SPATA16: variants seen among roughly 807,000 people sequenced by gnomAD.
The protein encoded by SPATA16 is spermatogenesis associated 16.
SPATA16 carries 36 observed loss-of-function variants against 63.3 expected under a neutral mutation model. That is an observed-to-expected ratio of 0.57 (90% CI 0.44 to 0.75). The LOEUF (loss-of-function observed/expected upper bound fraction) is 0.75. Ranked by LOEUF, SPATA16 falls within the 30% of genes least tolerant of loss-of-function variation. The pLI is 0.00. For synonymous variants in SPATA16, 203 were observed against 216.7 expected (o/e 0.94, Z 0.56); for missense variants, 646 against 679.3 (o/e 0.95, Z 0.54).
intron 2 of SPATA16, among the ~76,000 whole-genome samples, chr3:173,103,271 C>A (rs1326339792): frequency 6.6e-6 from 1 of 152,182 alleles, no homozygotes; most frequent in Non-Finnish European, 1.5e-5. Context: ...GGCCCCCTTT[C>A]CATAGCTCCA....
chr3:173,110,368 G>A (rs189037158), intron 2 of SPATA16, among the ~76,000 whole-genome samples: 60 of 152,288 alleles, frequency 3.9e-4, no homozygotes, highest in African/African-American at 1.4e-3. Flanking sequence ...AGTAGAACAC[G>A]ATGCATTACT....
At chr3:172,904,126 G>T (rs532326672) in intron 10 of SPATA16, among the ~76,000 whole-genome samples, 2 of 152,292 alleles carry the variant, frequency 1.3e-5, no homozygotes, top group South Asian at 2.1e-4. Context: ...TCAAAAGAGA[G>T]ATAAAGATGT....
rs776811637 is a variant in SPATA16, at chr3:172,889,569, ACTAC to A, written c.1707_1710del (p.Arg569SerfsTer3). On this transcript the variant is annotated frameshift_variant and stop_lost, in exon 11 of 11. Transcript: ENST00000351008. LOFTEE classifies it high-confidence loss of function. ...TAGTGGTAGTGCCTGCTCCCTAATG[ACTAC>A]CTTTGCTGAACAGTTTGAAGTCGCT... 6.2e-6 allele frequency: 10 copies of A among 1,613,474 alleles called. No homozygotes were observed. The East Asian group carries it at 2.2e-4, about 36-fold the overall frequency.
chr3:173,034,688 G>A (rs1271329013), intron 3 of SPATA16, among the ~76,000 whole-genome samples: 5 of 152,110 alleles, frequency 3.3e-5, no homozygotes, highest in African/African-American at 1.2e-4. Flanking sequence ...TGTAGATAAT[G>A]TCCAGCCCAG....
At chr3:173,026,282 A>AT (rs1313936891) in intron 3 of SPATA16, among the ~76,000 whole-genome samples, 4 of 151,496 alleles carry the variant, frequency 2.6e-5, no homozygotes, top group South Asian at 2.1e-4. Context: ...AAAACTGGGC[A>AT]TTTTTTTTCC....
chr3:173,002,897 G>A (rs149481400), intron 4 of SPATA16, among the ~76,000 whole-genome samples: 12 of 152,264 alleles, frequency 7.9e-5, no homozygotes, highest in Admixed American at 2.0e-4. Flanking sequence ...TCTCTCATAC[G>A]CAGAAATCAA....
chr3:173,010,535 C>G (rs2108271343), intron 4 of SPATA16, among the ~76,000 whole-genome samples: 1 of 151,962 alleles, frequency 6.6e-6, no homozygotes, highest in Non-Finnish European at 1.5e-5. Flanking sequence ...ATTGCTGCTG[C>G]CGTGGTCCTT....
chr3:173,120,755 C>T (rs1738040749), intron 1 of SPATA16, among the ~76,000 whole-genome samples: 1 of 152,106 alleles, frequency 6.6e-6, no homozygotes, highest in Non-Finnish European at 1.5e-5. Flanking sequence ...GCCTATTTTC[C>T]TCCCAACTCC....
intron 4 of SPATA16, among the ~76,000 whole-genome samples, chr3:173,012,923 C>G (rs1395157768): frequency 6.6e-6 from 1 of 152,098 alleles, no homozygotes; most frequent in Non-Finnish European, 1.5e-5. Context: ...CAAGGAGGGC[C>G]TAATTAAACT....
intron 2 of SPATA16, among the ~76,000 whole-genome samples, chr3:173,082,315 G>A (rs1007999814): frequency 6.6e-6 from 1 of 152,152 alleles, no homozygotes; most frequent in African/African-American, 2.4e-5. Flanking sequence ...GGAAAACTAG[G>A]TTCAAATTAG....
intron 6 of SPATA16, among the ~76,000 whole-genome samples, chr3:172,925,828 A>C (rs1443524005): frequency 9.2e-5 from 14 of 151,628 alleles, no homozygotes; most frequent in Admixed American, 8.6e-4. Flanking sequence ...AGAGACTTCG[A>C]TTTTTCTTTT....
chr3:173,129,066 T>C (rs972419387), intron 1 of SPATA16, among the ~76,000 whole-genome samples: 1 of 152,258 alleles, frequency 6.6e-6, no homozygotes, highest in Non-Finnish European at 1.5e-5. Flanking sequence ...GAACGAATTA[T>C]TGGTAGACAT....
rs151107884 is a variant in SPATA16 at position 172,899,129 on chromosome 3, C to T, written c.1588-9437G>A. Among the ~76,000 whole-genome samples the T allele has an allele frequency of 1.1e-3, 161 of 152,030 alleles. 1 individual carries two copies. Among genetic ancestry groups the T allele is most frequent in the African/African-American group, 3.4e-3 (143 of 41,550 alleles). ...GGTGCATGTTCCATGGGCACATAAA[C>T]GTTGATTAGATTCTGATGCTTGATA... On this transcript the variant is annotated intron_variant, in intron 10 of 10. Transcript: ENST00000351008.
At chr3:173,129,932 G>A (rs1738327008) in intron 1 of SPATA16, among the ~76,000 whole-genome samples, 1 of 152,110 alleles carries the variant, frequency 6.6e-6, no homozygotes, top group Non-Finnish European at 1.5e-5. Flanking sequence ...CTCACAAATA[G>A]AACCTGAGGC....
At chr3:172,952,261 A>G (rs1733452045) in intron 6 of SPATA16, among the ~76,000 whole-genome samples, 1 of 152,196 alleles carries the variant, frequency 6.6e-6, no homozygotes, top group South Asian at 2.1e-4. Flanking sequence ...CTGTAGATGC[A>G]GTAGGAAGCT....
chr3:172,999,198 T>G (rs1577125203), intron 4 of SPATA16, among the ~76,000 whole-genome samples: 1 of 152,188 alleles, frequency 6.6e-6, no homozygotes, highest in Non-Finnish European at 1.5e-5. Context: ...AGTTATTAAT[T>G]AATTATTTAT....
chr3:172,915,678 G>A (rs1307932158), intron 9 of SPATA16, among the ~76,000 whole-genome samples: 1 of 152,128 alleles, frequency 6.6e-6, no homozygotes. Flanking sequence ...TCTGTCTGAA[G>A]ATTATTTCTG....
intron 5 of SPATA16, among the ~76,000 whole-genome samples, chr3:172,976,705 G>A (rs1030517730): frequency 2.6e-5 from 4 of 152,018 alleles, no homozygotes; most frequent in Non-Finnish European, 4.4e-5. Context: ...TAGCACGCCT[G>A]GAAAAGTAGT....
chr3:173,051,731 A>T (rs1037725140), intron 2 of SPATA16, among the ~76,000 whole-genome samples: 5 of 152,150 alleles, frequency 3.3e-5, no homozygotes, highest in African/African-American at 7.2e-5. Context: ...GAAAGAAAAT[A>T]TACATTGTAT....
Sources: gnomAD v4.1 joint callset for allele counts (sites outside exome capture counted in the v4.1 genomes callset) on GRCh38, gnomAD v4.1.1 for gene constraint, MANE v1.5 for transcripts, NCBI Gene and HGNC (gene_info 2026-07-23, HGNC 2026-07-21) for gene names.